Variants in MAML2 observed in about 807,000 individuals in gnomAD.
MAML2 encodes mastermind-like protein 2.
In MAML2, 22 loss-of-function variants were observed where a neutral mutation model predicts 96.1. The observed-to-expected ratio is 0.23, with a 90% CI of 0.16 to 0.33. MAML2 has a LOEUF of 0.33. MAML2 is among the 10% of genes least tolerant of loss of function. The probability of loss-of-function intolerance (pLI) is 1.00; values close to 1 mark genes in which losing one functional copy is unlikely to be tolerated. For synonymous variants in MAML2, 561 were observed against 521.3 expected (o/e 1.08, Z -1.04); for missense variants, 1,367 against 1,392.4 (o/e 0.98, Z 0.29).
At chr11:96,054,413 C>T (rs756581914) in intron 2 of MAML2, among the ~76,000 whole-genome samples, 3 of 152,198 alleles carry the variant, frequency 2.0e-5, no homozygotes, top group Non-Finnish European at 2.9e-5. Flanking sequence ...GGCCAGACTG[C>T]GATCCTGTAA....
intron 1 of MAML2, among the ~76,000 whole-genome samples, chr11:96,294,277 T>G (rs1392994208): frequency 6.6e-6 from 1 of 152,066 alleles, no homozygotes; most frequent in African/African-American, 2.4e-5. Flanking sequence ...TTTCTCTCCT[T>G]TAGAAACAAG....
intron 2 of MAML2, among the ~76,000 whole-genome samples, chr11:95,994,069 G>A (rs372640183): frequency 2.2e-4 from 34 of 152,292 alleles, no homozygotes; most frequent in African/African-American, 7.2e-4. Flanking sequence ...TGCCTGTCAC[G>A]TGAGACAGGA....
chr11:96,146,446 G>T (rs890244195), intron 1 of MAML2, among the ~76,000 whole-genome samples: 18 of 152,166 alleles, frequency 1.2e-4, no homozygotes, highest in Non-Finnish European at 2.6e-4. Context: ...CAGGACAGGG[G>T]ACAAACCATG....
intron 1 of MAML2, among the ~76,000 whole-genome samples, chr11:96,333,348 T>C (rs1209329725): frequency 1.3e-5 from 2 of 150,118 alleles, no homozygotes; most frequent in Non-Finnish European, 3.0e-5. Flanking sequence ...TCATGGGGAG[T>C]AAGCGAAAAA....
At chr11:96,282,005 T>G (rs1026705716) in intron 1 of MAML2, among the ~76,000 whole-genome samples, 2 of 152,022 alleles carry the variant, frequency 1.3e-5, no homozygotes, top group Admixed American at 6.6e-5. Context: ...ATCCCAGCAC[T>G]TTGGGAGGCC....
intron 2 of MAML2, among the ~76,000 whole-genome samples, chr11:96,022,257 C>T (rs537233196): frequency 3.3e-4 from 51 of 152,312 alleles, no homozygotes; most frequent in African/African-American, 1.2e-3. Flanking sequence ...TGATCTCCAT[C>T]GCTAGCTCCC....
At chr11:96,166,556 C>T (rs2135895376) in intron 1 of MAML2, among the ~76,000 whole-genome samples, 1 of 152,272 alleles carries the variant, frequency 6.6e-6, no homozygotes, top group Non-Finnish European at 1.5e-5. Flanking sequence ...AGTTTCCTAA[C>T]TTGCTGCCAC....
intron 1 of MAML2, among the ~76,000 whole-genome samples, chr11:96,104,194 AC>A (rs1162476825): frequency 1.3e-5 from 2 of 152,224 alleles, no homozygotes; most frequent in African/African-American, 4.8e-5. Flanking sequence ...TATAAAATAA[AC>A]CCTAGAAAGG....
chr11:96,318,017 C>A (rs1167082023), intron 1 of MAML2, among the ~76,000 whole-genome samples: 2 of 152,156 alleles, frequency 1.3e-5, no homozygotes, highest in Non-Finnish European at 2.9e-5. Flanking sequence ...TCACAACTGG[C>A]AAGTGAGAGT....
chr11:96,278,875 C>T (rs1037568242), intron 1 of MAML2, among the ~76,000 whole-genome samples: 7 of 151,924 alleles, frequency 4.6e-5, no homozygotes, highest in African/African-American at 1.5e-4. Context: ...AGGATAACTG[C>T]GGGGGGTATG....
At chr11:96,160,650 A>T (rs1054148369) in intron 1 of MAML2, among the ~76,000 whole-genome samples, 1 of 151,974 alleles carries the variant, frequency 6.6e-6, no homozygotes, top group Non-Finnish European at 1.5e-5. Context: ...CTGGTCTCGA[A>T]CTCCTGACCT....
rs764900226 is a variant in MAML2, at chr11:96,326,562, C to T, written c.513+14821G>A. The stretch of plus-strand genomic sequence containing the variant: ...CTGTAATCCCAGCACTTTGGGGGGC[C>T]GAGGCGGGTGGATCACGAGGTCAGG... On this transcript the variant is annotated intron_variant, in intron 1 of 4. Transcript: ENST00000524717. 1.1e-3 allele frequency among the ~76,000 whole-genome samples: 165 copies of T among 151,838 alleles called. 1 individual carries two copies. Among genetic ancestry groups the T allele is most frequent in the Non-Finnish European group, 2.4e-4 (16 of 67,970 alleles).
chr11:96,091,810 A>G, intron 2 of MAML2, 82 bp downstream of exon 2: 1 of 1,509,506 alleles, frequency 6.6e-7, no homozygotes, highest in Non-Finnish European at 8.9e-7. Context: ...TTGTCCCAAT[A>G]CAAACATAAT....
At chr11:96,161,471 C>T (rs1298500160) in intron 1 of MAML2, among the ~76,000 whole-genome samples, 2 of 152,086 alleles carry the variant, frequency 1.3e-5, no homozygotes, top group African/African-American at 4.8e-5. Flanking sequence ...AGAGGAATCT[C>T]GGGATCCAGC....
intron 2 of MAML2, among the ~76,000 whole-genome samples, chr11:96,045,351 A>T (rs1858880022): frequency 6.6e-6 from 1 of 152,156 alleles, no homozygotes; most frequent in Non-Finnish European, 1.5e-5. Context: ...GACCTGGGTG[A>T]ACCCTAGTCC....
At chr11:95,983,976 C>T (rs1396501668) in intron 4 of MAML2, among the ~76,000 whole-genome samples, 1 of 152,090 alleles carries the variant, frequency 6.6e-6, no homozygotes, top group Non-Finnish European at 1.5e-5. Context: ...TGTCCTAGGC[C>T]TTTGCATTCA....
At chr11:96,081,413 C>A (rs916735959) in intron 2 of MAML2, among the ~76,000 whole-genome samples, 1 of 152,012 alleles carries the variant, frequency 6.6e-6, no homozygotes, top group African/African-American at 2.4e-5. Context: ...TGGAAGATGT[C>A]CATCAAGTTA....
chr11:96,040,249 T>C (rs997049621), intron 2 of MAML2, among the ~76,000 whole-genome samples: 2 of 152,206 alleles, frequency 1.3e-5, no homozygotes, highest in Non-Finnish European at 2.9e-5. Flanking sequence ...ATAAATGTCA[T>C]AATTATAGTA....
chr11:96,100,238 T>C (rs1386644263), intron 1 of MAML2, among the ~76,000 whole-genome samples: 1 of 152,156 alleles, frequency 6.6e-6, no homozygotes, highest in African/African-American at 2.4e-5. Flanking sequence ...CAAGAAAACA[T>C]GTGAGGTGTT....
Sources: gnomAD v4.1 joint callset for allele counts (sites outside exome capture counted in the v4.1 genomes callset) on GRCh38, gnomAD v4.1.1 for gene constraint, MANE v1.5 for transcripts, NCBI Gene and HGNC (gene_info 2026-07-23, HGNC 2026-07-21) for gene names.